Variants in ATRNL1 observed in about 807,000 individuals in gnomAD.
ATRNL1 encodes attractin like 1, also known as attractin-like protein 1.
A neutral mutation model predicts 182.7 loss-of-function variants in ATRNL1; 95 were observed. The observed-to-expected ratio is 0.52, with a 90% CI of 0.44 to 0.62. The LOEUF is 0.62. Among genes scored for constraint, ATRNL1 ranks in the 20% least tolerant of loss-of-function variants. The pLI, the probability that ATRNL1 is intolerant of heterozygous loss-of-function variation, is 0.00. For missense variants in ATRNL1, 1,471 were observed against 1,679.5 expected, an observed-to-expected ratio of 0.88 and a Z score of 2.17; for synonymous variants, 576 against 568.3, an observed-to-expected ratio of 1.01 and a Z score of -0.19.
chr10:115,480,215 C>CACACAA (rs1554973895), intron 24 of ATRNL1, among the ~76,000 whole-genome samples: 1 of 150,614 alleles, frequency 6.6e-6, no homozygotes, highest in African/African-American at 2.4e-5. Flanking sequence ...TGAACACACA[C>CACACAA]ACACACACAC....
intron 5 of ATRNL1, among the ~76,000 whole-genome samples, chr10:115,149,876 C>CTTTTTTTTTTTTT (rs57382865): frequency 2.4e-5 from 3 of 123,282 alleles, no homozygotes; most frequent in Non-Finnish European, 5.3e-5. Context: ...TCTCCTTTTC[C>CTTTTTTTTTTTTT]TTTTTTTTTT....
chr10:115,852,582 C>T (rs997676393), intron 28 of ATRNL1, among the ~76,000 whole-genome samples: 4 of 152,170 alleles, frequency 2.6e-5, no homozygotes, highest in African/African-American at 4.8e-5. Flanking sequence ...GATTAAATGA[C>T]TTTCCCAGGG....
intron 5 of ATRNL1, among the ~76,000 whole-genome samples, chr10:115,130,427 T>C (rs1845178839): frequency 1.3e-5 from 2 of 152,138 alleles, no homozygotes; most frequent in South Asian, 2.1e-4. Context: ...GAGATGACCT[T>C]TTCAAAAAAG....
chr10:115,373,012 G>A (rs1164124117), intron 19 of ATRNL1, among the ~76,000 whole-genome samples: 3 of 151,948 alleles, frequency 2.0e-5, no homozygotes, highest in African/African-American at 7.2e-5. Flanking sequence ...ACAGGATATT[G>A]TTCCATTTAT....
chr10:115,530,994 A>C (rs1851544386), intron 25 of ATRNL1, among the ~76,000 whole-genome samples: 1 of 152,074 alleles, frequency 6.6e-6, no homozygotes, highest in Admixed American at 6.6e-5. Flanking sequence ...TCCATGGTGT[A>C]TATGTGCCAC....
intron 21 of ATRNL1, among the ~76,000 whole-genome samples, chr10:115,459,096 CT>C (rs1847670464): frequency 1.3e-5 from 2 of 152,140 alleles, no homozygotes; most frequent in Non-Finnish European, 2.9e-5. Context: ...AGTCAATACC[CT>C]TGTGATTTCC....
At chr10:115,116,058 T>C (rs1226298777) in intron 1 of ATRNL1, among the ~76,000 whole-genome samples, 3 of 152,112 alleles carry the variant, frequency 2.0e-5, no homozygotes, top group Non-Finnish European at 4.4e-5. Context: ...AAGGGCCAGA[T>C]AGTAGATATT....
At chr10:115,665,851 G>A (rs1555039532) in intron 26 of ATRNL1, among the ~76,000 whole-genome samples, 2 of 152,058 alleles carry the variant, frequency 1.3e-5, no homozygotes, top group African/African-American at 4.8e-5. Flanking sequence ...TGTGTTTCCT[G>A]TATATTTTTG....
chr10:115,451,070 C>G (rs1847256741), intron 21 of ATRNL1, among the ~76,000 whole-genome samples: 1 of 152,138 alleles, frequency 6.6e-6, no homozygotes, highest in Non-Finnish European at 1.5e-5. Context: ...TATCCATATG[C>G]AGAAGATTGA....
intron 28 of ATRNL1, among the ~76,000 whole-genome samples, chr10:115,911,648 G>T (rs1039814057): frequency 1.3e-5 from 2 of 152,152 alleles, no homozygotes; most frequent in African/African-American, 4.8e-5. Flanking sequence ...ATTGAGGCCC[G>T]ATTTCATCAG....
intron 20 of ATRNL1, among the ~76,000 whole-genome samples, chr10:115,412,429 G>C (rs1845188971): frequency 6.6e-6 from 1 of 152,174 alleles, no homozygotes; most frequent in South Asian, 2.1e-4. Context: ...CTCTGAATCA[G>C]AGAACCTGGT....
chr10:115,743,647 G>C (rs1449855813), intron 27 of ATRNL1, among the ~76,000 whole-genome samples: 1 of 152,026 alleles, frequency 6.6e-6, no homozygotes, highest in Non-Finnish European at 1.5e-5. Context: ...AAAAATATTT[G>C]AGTTACAAAG....
intron 26 of ATRNL1, among the ~76,000 whole-genome samples, chr10:115,618,936 CTG>C (rs1857576468): frequency 1.3e-5 from 2 of 152,160 alleles, no homozygotes; most frequent in Non-Finnish European, 2.9e-5. Context: ...TCTGGTGTAA[CTG>C]TTGTTTCTTC....
Position 115,252,764 on chromosome 10 carries a change from A to G in ATRNL1, c.1687+11039A>G, listed in dbSNP as rs139742328. Among the ~76,000 whole-genome samples the G allele has an allele frequency of 5.9e-5, 9 of 152,276 alleles. No homozygotes were observed. In the East Asian group the frequency reaches 1.5e-3, roughly 26 times the overall value. On this transcript the variant is annotated intron_variant, in intron 10 of 28. Transcript: ENST00000355044. ...CCTCTGGCTTTATCAGCCTTTCATT[A>G]TCTTTTTCTAGAGCTCACTGGGGCT...
At chr10:115,812,370 C>T (rs1489064050) in intron 27 of ATRNL1, among the ~76,000 whole-genome samples, 1 of 152,096 alleles carries the variant, frequency 6.6e-6, no homozygotes, top group Non-Finnish European at 1.5e-5. Context: ...TAGTCTCATA[C>T]ATATTTCACA....
chr10:115,450,149 T>C (rs1298715490), intron 21 of ATRNL1, among the ~76,000 whole-genome samples: 1 of 152,102 alleles, frequency 6.6e-6, no homozygotes, highest in Non-Finnish European at 1.5e-5. Flanking sequence ...ATAAGAGCCA[T>C]ATATGACAAA....
chr10:115,741,785 G>T (rs1217891330), intron 27 of ATRNL1, among the ~76,000 whole-genome samples: 1 of 152,182 alleles, frequency 6.6e-6, no homozygotes, highest in African/African-American at 2.4e-5. Flanking sequence ...GGAGGGGTCA[G>T]AAGGTTGGGT....
intron 19 of ATRNL1, among the ~76,000 whole-genome samples, chr10:115,367,401 A>G (rs1554946317): frequency 1.5e-5 from 2 of 137,794 alleles, no homozygotes; most frequent in Non-Finnish European, 3.2e-5. Flanking sequence ...CGTATTGGTT[A>G]TTCTAGTTAT....
intron 28 of ATRNL1, among the ~76,000 whole-genome samples, chr10:115,866,306 T>C (rs1951438667): frequency 6.6e-6 from 1 of 152,210 alleles, no homozygotes; most frequent in African/African-American, 2.4e-5. Context: ...ATTCCTATTA[T>C]GACTTTTTCT....
Sources: allele counts gnomAD v4.1 joint callset (sites outside exome capture counted in the v4.1 genomes callset), GRCh38; gene constraint gnomAD v4.1.1; transcripts MANE v1.5; gene names NCBI Gene and HGNC (gene_info 2026-07-23, HGNC 2026-07-21).